Variants in ATP10B observed in about 807,000 individuals in gnomAD.
The protein encoded by ATP10B is phospholipid-transporting ATPase VB.
A neutral mutation model predicts 141.2 loss-of-function variants in ATP10B; 122 were observed. The observed-to-expected ratio is 0.86, with a 90% confidence interval of 0.75 to 1.00. The LOEUF is 1.00. Ranked by LOEUF, ATP10B falls within the 50% of genes least tolerant of loss-of-function variation. ATP10B has a pLI of 0.00. For missense variants in ATP10B, 1,876 were observed against 1,825.3 expected (o/e 1.03, Z -0.51); for synonymous variants, 685 against 692.0 (o/e 0.99, Z 0.16).
chr5:160,590,958 T>C, intron 23 of ATP10B, 101 bp downstream of exon 23: 1 of 998,012 alleles, frequency 1.0e-6, no homozygotes, highest in South Asian at 1.4e-5. Context: ...GAGCCTCTGC[T>C]CTAAAGTGTC....
chr5:160,890,124 T>A, the ATP10B span, among the ~76,000 whole-genome samples: 18 of 152,326 alleles, frequency 1.2e-4, 1 homozygote, highest in East Asian at 3.5e-3. Flanking sequence ...GTTTCTTCCA[T>A]CAAAATGTAA....
the ATP10B span, among the ~76,000 whole-genome samples, chr5:160,909,098 G>A: frequency 2.0e-4 from 30 of 152,170 alleles, no homozygotes; most frequent in African/African-American, 7.2e-4. Context: ...TTTTATGGGG[G>A]GTCAGACAAA....
chr5:160,801,251 T>G (rs1200283214), intron 1 of ATP10B, among the ~76,000 whole-genome samples: 2 of 152,208 alleles, frequency 1.3e-5, no homozygotes, highest in African/African-American at 4.8e-5. Flanking sequence ...CTGCAGATAC[T>G]GTCCCTCTCT....
At chr5:160,625,364 A>G (rs766963433) in intron 13 of ATP10B, among the ~76,000 whole-genome samples, 2 of 152,210 alleles carry the variant, frequency 1.3e-5, no homozygotes, top group Non-Finnish European at 1.5e-5. Context: ...CAGATAGTCC[A>G]TGAGAGTGAT....
intron 1 of ATP10B, among the ~76,000 whole-genome samples, chr5:160,811,545 C>G (rs55703460): frequency 0.03 from 4,541 of 152,266 alleles, 118 homozygotes; most frequent in Non-Finnish European, 0.043. Flanking sequence ...CCTGGCAATA[C>G]TTCCCGTGGA....
chr5:160,679,609 C>T (rs75752967), intron 6 of ATP10B, among the ~76,000 whole-genome samples: 14 of 152,354 alleles, frequency 9.2e-5, no homozygotes, highest in East Asian at 5.8e-4. Context: ...TACCGAAGCA[C>T]GTGGGACATT....
intron 2 of ATP10B, among the ~76,000 whole-genome samples, chr5:160,751,165 G>A (rs935480740): frequency 3.3e-5 from 5 of 152,174 alleles, no homozygotes; most frequent in Non-Finnish European, 7.3e-5. Flanking sequence ...GGCCTGAAGT[G>A]GACACTCAAT....
At chr5:160,683,160 C>T (rs1198466941) in intron 6 of ATP10B, among the ~76,000 whole-genome samples, 4 of 151,886 alleles carry the variant, frequency 2.6e-5, no homozygotes, top group Non-Finnish European at 5.9e-5. Context: ...TTCATCCTCT[C>T]TTTATAATTT....
intron 1 of ATP10B, among the ~76,000 whole-genome samples, chr5:160,807,451 G>A (rs1772857091): frequency 6.6e-6 from 1 of 152,180 alleles, no homozygotes; most frequent in South Asian, 2.1e-4. Flanking sequence ...AGACAGTGAG[G>A]ATACCTTATC....
chr5:160,793,412 G>T (rs1771727818), intron 1 of ATP10B, among the ~76,000 whole-genome samples: 1 of 152,138 alleles, frequency 6.6e-6, no homozygotes, highest in African/African-American at 2.4e-5. Flanking sequence ...TTTCCACTCT[G>T]TAGACCAACA....
At chr5:160,715,830 C>T (rs1252438766) in intron 3 of ATP10B, among the ~76,000 whole-genome samples, 3 of 151,918 alleles carry the variant, frequency 2.0e-5, no homozygotes, top group Admixed American at 2.0e-4. Context: ...TCTGACTCAG[C>T]CTCCTGAGTA....
At chr5:160,744,221 A>G (rs1474732794) in intron 2 of ATP10B, among the ~76,000 whole-genome samples, 2 of 152,160 alleles carry the variant, frequency 1.3e-5, no homozygotes, top group African/African-American at 2.4e-5. Flanking sequence ...AGCCATTACC[A>G]AATTCTCAGA....
At chr5:160,676,014 G>A (rs981625826) in intron 6 of ATP10B, among the ~76,000 whole-genome samples, 1 of 152,178 alleles carries the variant, frequency 6.6e-6, no homozygotes, top group African/African-American at 2.4e-5. Context: ...TAAGTCAGCA[G>A]ATTGGAGCTG....
chr5:160,862,790 A>G, the ATP10B span, among the ~76,000 whole-genome samples: 1 of 151,984 alleles, frequency 6.6e-6, no homozygotes, highest in Admixed American at 6.6e-5. Flanking sequence ...ATATTTGGAA[A>G]CATATTTGCA....
intron 7 of ATP10B, among the ~76,000 whole-genome samples, chr5:160,660,708 GT>G (rs1374362313): frequency 6.6e-6 from 1 of 152,178 alleles, no homozygotes; most frequent in East Asian, 1.9e-4. Flanking sequence ...AAAGATAGAT[GT>G]TTGTGCCTTG....
intron 1 of ATP10B, among the ~76,000 whole-genome samples, chr5:160,804,357 A>G (rs1581563997): frequency 6.6e-6 from 1 of 152,210 alleles, no homozygotes. Flanking sequence ...TTTGTTCCTC[A>G]GTGTCTACTT....
chr5:160,819,851 A>G (rs1311303692), intron 1 of ATP10B, among the ~76,000 whole-genome samples: 1 of 152,152 alleles, frequency 6.6e-6, no homozygotes, highest in Non-Finnish European at 1.5e-5. Flanking sequence ...ATAAAAAGCA[A>G]GAAATTAAAT....
intron 1 of ATP10B, among the ~76,000 whole-genome samples, chr5:160,822,597 T>G (rs911828241): frequency 6.6e-6 from 1 of 152,074 alleles, no homozygotes; most frequent in Non-Finnish European, 1.5e-5. Flanking sequence ...ATAGGTAAGA[T>G]TGGGAAGCCA....
the ATP10B span, among the ~76,000 whole-genome samples, chr5:160,908,837 T>G: frequency 5.9e-5 from 9 of 152,270 alleles, no homozygotes; most frequent in African/African-American, 2.2e-4. Flanking sequence ...ATTCCCTTAT[T>G]CTCACCATCA....
Sources: allele counts gnomAD v4.1 joint callset (sites outside exome capture counted in the v4.1 genomes callset), GRCh38; gene constraint gnomAD v4.1.1; transcripts MANE v1.5; gene names NCBI Gene and HGNC (gene_info 2026-07-23, HGNC 2026-07-21).